Variants in RGS6 observed in about 807,000 individuals in gnomAD.
The protein encoded by RGS6 is regulator of G-protein signaling 6.
Under a neutral mutation model 78.5 loss-of-function variants are expected in RGS6, and 30 were observed. The ratio of observed to expected loss-of-function variants is 0.38; its 90% CI spans 0.29 to 0.52. RGS6 has a LOEUF of 0.52. RGS6 is among the 20% of genes least tolerant of loss of function. The pLI is 0.85. For missense variants in RGS6, 495 were observed against 609.7 expected, an observed-to-expected ratio of 0.81 and a Z score of 1.98; for synonymous variants, 206 against 206.0, an observed-to-expected ratio of 1.00 and a Z score of 0.00.
chr14:72,294,831 C>T (rs1289163653), intron 2 of RGS6, among the ~76,000 whole-genome samples: 2 of 152,144 alleles, frequency 1.3e-5, no homozygotes, highest in Non-Finnish European at 2.9e-5. Context: ...ATGATCCAAT[C>T]ACCTCTTACC....
At chr14:72,153,463 C>G (rs139069234) in intron 2 of RGS6, among the ~76,000 whole-genome samples, 89 of 152,346 alleles carry the variant, frequency 5.8e-4, no homozygotes, top group Middle Eastern at 3.4e-3. Context: ...ACACAGTTAA[C>G]TTATCAGTGA....
At chr14:72,312,420 T>A (rs2068868022) in intron 2 of RGS6, among the ~76,000 whole-genome samples, 2 of 152,136 alleles carry the variant, frequency 1.3e-5, no homozygotes, top group African/African-American at 4.8e-5. Flanking sequence ...TTTGTTTGTG[T>A]GTTTGTTTTT....
chr14:72,562,564 T>C lies in RGS6; in HGVS notation c.*97T>C. The C allele has an allele frequency of 6.4e-7, 1 of 1,571,538 alleles. No individual in the cohort carries two copies. Among genetic ancestry groups the C allele is most frequent in the Admixed American group, 1.8e-5 (1 of 55,684 alleles). On this transcript the variant is annotated 3_prime_UTR_variant, in exon 18 of 18. Coordinates refer to ENST00000553525, the MANE Select transcript of RGS6 (RefSeq NM_001204424.2). The stretch of plus-strand genomic sequence containing the variant: ...GACAGAGTTTCCTTACGAGGAGACT[T>C]GGTCACTGTGAAGGAGAAAGAGTGA...
chr14:72,355,295 G>A (rs2080032396), intron 3 of RGS6, among the ~76,000 whole-genome samples: 1 of 151,602 alleles, frequency 6.6e-6, no homozygotes, highest in Admixed American at 6.6e-5. Flanking sequence ...CTGGGTTCAA[G>A]CGATTCTCCT....
At chr14:72,183,768 TGC>T (rs2097203972) in intron 2 of RGS6, among the ~76,000 whole-genome samples, 1 of 152,154 alleles carries the variant, frequency 6.6e-6, no homozygotes, top group Non-Finnish European at 1.5e-5. Context: ...TTAAATTAGG[TGC>T]AAGGAATTCT....
intron 2 of RGS6, among the ~76,000 whole-genome samples, chr14:72,317,177 T>C (rs751146708): frequency 1.1e-4 from 17 of 152,044 alleles, no homozygotes; most frequent in Non-Finnish European, 2.2e-4. Context: ...TTTTATCTCA[T>C]AGAGATTTGA....
At chr14:72,102,002 A>C (rs1385534672) in intron 2 of RGS6, among the ~76,000 whole-genome samples, 1 of 152,180 alleles carries the variant, frequency 6.6e-6, no homozygotes, top group Non-Finnish European at 1.5e-5. Flanking sequence ...AGAGCAGCCG[A>C]GAAGGAGCTT....
intron 2 of RGS6, among the ~76,000 whole-genome samples, chr14:71,973,816 C>T (rs1238391009): frequency 1.3e-5 from 2 of 152,030 alleles, no homozygotes; most frequent in Non-Finnish European, 2.9e-5. Flanking sequence ...TTCCTTTTCC[C>T]CCAGGATTAG....
chr14:72,416,543 G>GA lies in RGS6; in HGVS notation c.185-37975dup, dbSNP rs202014061. On this transcript the variant is annotated intron_variant, in intron 3 of 17. Transcript: ENST00000553525. ...TATAAAGTGATTCCTCCCCTACCAA[G>GA]AAAAAAAAAATTAAGCTGAAATCCT... 1.2e-3 allele frequency among the ~76,000 whole-genome samples: 181 copies of GA among 150,418 alleles called. 1 individual carries two copies. The highest frequency in any genetic ancestry group is 5.2e-4 in the Non-Finnish European group (35 of 67,440).
intron 11 of RGS6, 33 bp downstream of exon 11, chr14:72,476,873 G>A (rs2096252586): frequency 6.4e-7 from 1 of 1,573,014 alleles, no homozygotes; most frequent in Non-Finnish European, 8.8e-7. Context: ...CTCTCAGGAG[G>A]AGACGTGGCC....
intron 2 of RGS6, among the ~76,000 whole-genome samples, chr14:72,080,773 C>T (rs1290417143): frequency 1.3e-5 from 2 of 152,064 alleles, no homozygotes; most frequent in Non-Finnish European, 2.9e-5. Context: ...ATTTAAGAGA[C>T]AGTCTTTTCC....
chr14:72,593,902 C>T, the RGS6 span, among the ~76,000 whole-genome samples: 1 of 132,244 alleles, frequency 7.6e-6, no homozygotes, highest in Admixed American at 9.4e-5. Context: ...AAGTGTAGTT[C>T]ATTTGGTGCA....
intron 2 of RGS6, among the ~76,000 whole-genome samples, chr14:72,291,512 T>G (rs565466620): frequency 2.0e-5 from 3 of 152,320 alleles, no homozygotes; most frequent in African/African-American, 7.2e-5. Flanking sequence ...GAATTTAAAC[T>G]CTTCAAGGGC....
intron 2 of RGS6, among the ~76,000 whole-genome samples, chr14:72,145,170 T>TA (rs1185740438): frequency 5.3e-5 from 8 of 152,176 alleles, no homozygotes; most frequent in Admixed American, 5.2e-4. Context: ...ATAGTGATGT[T>TA]ATCCCCAGGA....
chr14:72,037,167 A>G (rs1254098971), intron 2 of RGS6, among the ~76,000 whole-genome samples: 4 of 152,190 alleles, frequency 2.6e-5, no homozygotes, highest in African/African-American at 9.6e-5. Context: ...AAATGCACCA[A>G]TCAGCACTCT....
chr14:72,289,980 T>C (rs1486155121), intron 2 of RGS6, among the ~76,000 whole-genome samples: 1 of 152,188 alleles, frequency 6.6e-6, no homozygotes, highest in Admixed American at 6.5e-5. Flanking sequence ...AAATTAAGCA[T>C]GAAGAAAATT....
chr14:72,321,241 G>T (rs2071917802), intron 2 of RGS6, among the ~76,000 whole-genome samples: 2 of 151,730 alleles, frequency 1.3e-5, no homozygotes, highest in Admixed American at 1.3e-4. Context: ...ATACAAACCT[G>T]CCCAAATAGC....
the RGS6 span, among the ~76,000 whole-genome samples, chr14:71,912,895 G>A: frequency 2.0e-5 from 3 of 151,834 alleles, no homozygotes; most frequent in Middle Eastern, 3.4e-3. Context: ...GCATGATCTC[G>A]GCTCACTGCA....
chr14:71,970,143 A>G (rs910251585), intron 2 of RGS6, among the ~76,000 whole-genome samples: 2 of 152,216 alleles, frequency 1.3e-5, no homozygotes, highest in African/African-American at 4.8e-5. Context: ...TGTAGTATTA[A>G]TTATATGCTA....
Sources: gnomAD v4.1 joint callset for allele counts (sites outside exome capture counted in the v4.1 genomes callset) on GRCh38, gnomAD v4.1.1 for gene constraint, MANE v1.5 for transcripts, NCBI Gene and HGNC (gene_info 2026-07-23, HGNC 2026-07-21) for gene names.